The following UNC45A variants were observed in gnomAD, a reference collection of about 807,000 sequenced individuals.
UNC45A encodes protein unc-45 homolog A.
UNC45A carries 78 observed loss-of-function variants against 103.2 expected under a neutral mutation model. The observed-to-expected ratio is 0.76, with a 90% CI of 0.63 to 0.91. The LOEUF is 0.91. Among genes scored for constraint, UNC45A ranks in the 40% least tolerant of loss-of-function variants. UNC45A has a pLI of 0.00. For synonymous variants in UNC45A, 495 were observed against 504.6 expected (o/e 0.98, Z 0.25); for missense variants, 1,193 against 1,224.8 (o/e 0.97, Z 0.39).
chr15:90,936,187 C>T, intron 3 of UNC45A, 98 bp from the exon 4 acceptor site: 4 of 1,534,960 alleles, frequency 2.6e-6, no homozygotes, highest in Non-Finnish European at 3.5e-6. Context: ...ATTCGTCCCC[C>T]CCACCTTCTT....
chr15:90,942,776 C>T, intron 7 of UNC45A, 136 bp from the exon 8 acceptor site: 1 of 1,487,364 alleles, frequency 6.7e-7, no homozygotes, highest in South Asian at 1.3e-5. Flanking sequence ...TGCCTCAGGA[C>T]AAAGCTGGAG....
upstream of UNC45A, chr15:90,931,818 C>T (rs1405160301): frequency 2.5e-5 from 40 of 1,614,020 alleles, no homozygotes; most frequent in Non-Finnish European, 3.3e-5. Context: ...CTCTTTCTCT[C>T]CAGCTTGGGC....
chr15:90,942,576 T>C lies in UNC45A; in HGVS notation c.827T>C (p.Phe276Ser). Residue 276 changes from phenylalanine to serine, a missense_variant, in exon 7 of 20, where the codon TTC (phenylalanine) becomes TCC (serine). By Grantham distance (155) the Phe-to-Ser change is radical (BLOSUM62 -2). Transcript: ENST00000418476. Reference sequence around the variant, plus strand: ...CTCAAGGAAGGTGTCAAAAAAGGCTTCCGAGGCAAAGAAGGTGCCATCATT... The same window carrying C: ...CTCAAGGAAGGTGTCAAAAAAGGCTCCCGAGGCAAAGAAGGTGCCATCATT... ...DALKEGVKKG[F>S]RGKEGAIIVD... 1.2e-6 allele frequency: 2 copies of C among 1,614,188 alleles called. No homozygotes were observed. Among genetic ancestry groups the C allele is most frequent in the Non-Finnish European group, 1.7e-6 (2 of 1,180,038 alleles).
chr15:90,953,731 G>A lies in UNC45A; in HGVS notation c.*15G>A, dbSNP rs981922607. ...ATGGAGAGTGAGGGGGTTGTCCCTG[G>A]GCCCAAGGCTCATGCACACGCTACC... On this transcript the variant is annotated 3_prime_UTR_variant, in exon 20 of 20. Transcript: ENST00000418476. 8.7e-6 allele frequency: 14 copies of A among 1,611,194 alleles called. No homozygotes were observed. In the African/African-American group the frequency reaches 1.7e-4, roughly 20 times the overall value.
At chr15:90,930,908 C>T (rs1016401556), upstream of UNC45A, 11 of 230,602 alleles carry the variant, frequency 4.8e-5, no homozygotes, top group South Asian at 5.4e-4. Flanking sequence ...GGAGAAGGAG[C>T]AGCAGCAGCT....
At chr15:90,950,314 G>A in intron 16 of UNC45A, 47 bp downstream of exon 16, 1 of 1,541,952 alleles carries the variant, frequency 6.5e-7, no homozygotes, top group Non-Finnish European at 8.8e-7. Context: ...TGTCCCTGAT[G>A]GCCTGTGGGC....
intron 12 of UNC45A, 158 bp downstream of exon 12, chr15:90,948,441 C>T (rs1290385139): frequency 1.2e-5 from 16 of 1,291,296 alleles, no homozygotes; most frequent in Non-Finnish European, 1.6e-5. Context: ...TGTTGGCCAG[C>T]ACCAGTGGTG....
chr15:90,947,658 G>A lies in UNC45A; in HGVS notation c.1501-138G>A, dbSNP rs550454887. The A allele has an allele frequency of 1.3e-4, 84 of 639,404 alleles. No homozygotes were observed. In the African/African-American group the frequency reaches 1.4e-3, roughly 10 times the overall value. The allele number at this position is 639,404 out of a possible 1,614,324, so 39.6% of individuals were successfully genotyped here. ...ACATGCTCTAGGTGGTGGTCTGGAG[G>A]GAGAGGGTGCTGATTTGTCTGTGTA... is the stretch of plus-strand genomic sequence containing the variant. On this transcript the variant is annotated intron_variant, in intron 10 of 19. Coordinates refer to ENST00000418476, the MANE Select transcript of UNC45A (RefSeq NM_018671.5).
At chr15:90,939,442 T>C (rs1340520951) in intron 4 of UNC45A, among the ~76,000 whole-genome samples, 4 of 152,048 alleles carry the variant, frequency 2.6e-5, no homozygotes, top group Admixed American at 6.5e-5. Flanking sequence ...CCACTGGGAG[T>C]GGGTTGCCTC....
At chr15:90,933,827 G>A (rs2035888843), upstream of UNC45A, 13 of 385,490 alleles carry the variant, frequency 3.4e-5, no homozygotes, top group Middle Eastern at 6.3e-4. Context: ...TCAGCAGTTT[G>A]GCAATGCAGG....
At chr15:90,953,094 C>T (rs753262662) in intron 18 of UNC45A, 48 bp downstream of exon 18, 11 of 1,613,164 alleles carry the variant, frequency 6.8e-6, no homozygotes, top group Admixed American at 1.7e-5. Context: ...GCAGAGGTAC[C>T]TGTGCCCTGG....
intron 6 of UNC45A, among the ~76,000 whole-genome samples, chr15:90,941,474 G>C (rs115912329): frequency 0.014 from 2,145 of 152,272 alleles, 45 homozygotes; most frequent in African/African-American, 0.048. Flanking sequence ...AATCTCTTTA[G>C]GCTAAGCTTG....
upstream of UNC45A, chr15:90,934,911 G>C: frequency 2.3e-6 from 1 of 441,044 alleles, no homozygotes; most frequent in Non-Finnish European, 4.0e-6. Context: ...GCGCGGTCGG[G>C]GCCGGGATCC....
At position 90,948,795 on chromosome 15, in the gene UNC45A, G is replaced by A; in HGVS notation, c.1878+1G>A. 1.9e-6 allele frequency: 3 copies of A among 1,599,818 alleles called. No individual in the cohort carries two copies. Among genetic ancestry groups the A allele is most frequent in the Non-Finnish European group, 2.6e-6 (3 of 1,173,576 alleles). ...GCATGTGCCCGAGCAGCACCCCAAG[G>A]TGAGGGGCCGCCAGAGGGGCTAGAG... On this transcript the variant is annotated splice_donor_variant, in intron 13 of 19. Transcript: ENST00000418476. LOFTEE classifies it high-confidence loss of function.
upstream of UNC45A, chr15:90,931,775 G>C: frequency 6.2e-7 from 1 of 1,614,088 alleles, no homozygotes; most frequent in South Asian, 1.1e-5. Flanking sequence ...TTTGGCCCCG[G>C]GGCTACTGTG....
chr15:90,939,429 G>T (rs998051770), intron 4 of UNC45A, among the ~76,000 whole-genome samples: 3 of 152,248 alleles, frequency 2.0e-5, no homozygotes, highest in Admixed American at 2.0e-4. Flanking sequence ...AATGTAGATG[G>T]CACCACTGGG....
At position 90,953,477 on chromosome 15, in the gene UNC45A, A is replaced by C; in HGVS notation, c.2596A>C (p.Ile866Leu). ...CTCACAGACCACACACTGGCTGGAG[A>C]TCCTGCAGGCCCTGCTTCTGAGCTC... ...IPQVTTHWLE[I>L]LQALLLSSNQ... Residue 866 changes from isoleucine (I) to leucine (L), a missense_variant, in exon 20 of 20, where the codon ATC becomes CTC. Transcript: ENST00000418476. 6.2e-7 allele frequency: 1 copy of C among 1,613,728 alleles called. No individual in the cohort carries two copies. Among genetic ancestry groups the C allele is most frequent in the Non-Finnish European group, 8.5e-7 (1 of 1,180,012 alleles).
intron 7 of UNC45A, 56 bp downstream of exon 7, chr15:90,942,661 GC>G: frequency 6.2e-6 from 10 of 1,611,380 alleles, no homozygotes; most frequent in Non-Finnish European, 8.5e-6. Flanking sequence ...AAGGGATGGG[GC>G]TGAGCCAGCC....
Position 90,936,233 on chromosome 15 carries a change from G to A in UNC45A, c.251-52G>A. On this transcript the variant is annotated intron_variant, in intron 3 of 19. Transcript: ENST00000418476. ...CTCGAGATCTTTCCCTACTGCTCTT[G>A]CCTGGAGACAGTGGCCTCATGGGTG... 4.4e-6 allele frequency: 7 copies of A among 1,575,648 alleles called. 1 individual carries two copies. The South Asian group carries it at 8.2e-5, about 18-fold the overall frequency.
Sources: gnomAD v4.1 joint callset for allele counts (sites outside exome capture counted in the v4.1 genomes callset) on GRCh38, gnomAD v4.1.1 for gene constraint, MANE v1.5 for transcripts, NCBI Gene and HGNC (gene_info 2026-07-23, HGNC 2026-07-21) for gene names.